Variants in MSI2 observed in about 807,000 individuals in gnomAD.
The protein encoded by MSI2 is RNA-binding protein Musashi homolog 2.
MSI2 carries 17 observed loss-of-function variants against 45.6 expected under a neutral mutation model. That is an observed-to-expected ratio of 0.37 (90% CI 0.26 to 0.56). The LOEUF is 0.56. MSI2 is among the 20% of genes least tolerant of loss of function. The pLI is 0.77. For synonymous variants in MSI2, 156 were observed against 158.2 expected (o/e 0.99, Z 0.11); for missense variants, 293 against 444.2 (o/e 0.66, Z 3.06).
chr17:57,429,183 C>G (rs2084548790), intron 6 of MSI2, among the ~76,000 whole-genome samples: 1 of 152,078 alleles, frequency 6.6e-6, no homozygotes, highest in Non-Finnish European at 1.5e-5. Context: ...TAGATGGCAC[C>G]TGGGCTATGC....
intron 2 of MSI2, 110 bp downstream of exon 2, chr17:57,257,248 C>T: frequency 3.9e-6 from 2 of 508,500 alleles, no homozygotes; most frequent in Non-Finnish European, 3.3e-6. Context: ...CTCCCCACTT[C>T]TCCTGTGCAA....
chr17:57,287,421 A>G (rs1598074479), intron 5 of MSI2, among the ~76,000 whole-genome samples: 2 of 152,204 alleles, frequency 1.3e-5, no homozygotes, highest in African/African-American at 4.8e-5. Context: ...GGGGGACAGA[A>G]TAGTGTGTGT....
intron 5 of MSI2, among the ~76,000 whole-genome samples, chr17:57,331,692 T>C (rs1298648322): frequency 6.6e-6 from 1 of 152,194 alleles, no homozygotes; most frequent in Admixed American, 6.5e-5. Flanking sequence ...GTAACCTTCC[T>C]TTGTGTTCAC....
chr17:57,469,330 T>C (rs1945841891), intron 6 of MSI2, among the ~76,000 whole-genome samples: 1 of 152,264 alleles, frequency 6.6e-6, no homozygotes, highest in Non-Finnish European at 1.5e-5. Context: ...ACTGCTTTAG[T>C]CCTTCAAATC....
intron 5 of MSI2, among the ~76,000 whole-genome samples, chr17:57,380,801 C>G (rs984203279): frequency 5.9e-5 from 9 of 152,326 alleles, no homozygotes; most frequent in African/African-American, 2.2e-4. Context: ...CTGACACCAC[C>G]AGGTGTGTAC....
chr17:57,263,682 TC>T, intron 5 of MSI2: 1 of 152,354 alleles, frequency 6.6e-6, no homozygotes, highest in East Asian at 1.9e-4. Context: ...CCCTTTGTTG[TC>T]CCCCTTCCTT....
In MSI2 at chr17:57,680,633, C is replaced by T. The variant is rs1003512449; in HGVS notation, c.*1116C>T. On this transcript the variant is annotated 3_prime_UTR_variant, in exon 14 of 14. Transcript: ENST00000284073. ...GTCTGTGCACAGCTTCAAATGTTAC[C>T]GTCTAGTTAGATTTTTATTTAAAAT... The T allele has an allele frequency of 2.3e-5, 5 of 220,314 alleles. No individual in the cohort carries two copies. Among genetic ancestry groups the T allele is most frequent in the African/African-American group, 4.5e-5 (2 of 44,550 alleles). The allele number at this position is 220,314 out of a possible 1,614,324, so 13.6% of individuals were successfully genotyped here. A position where few individuals can be genotyped will look rare whatever the true frequency, so the allele number is the denominator to read the frequency against.
chr17:57,277,393 G>A (rs556573205), intron 5 of MSI2, among the ~76,000 whole-genome samples: 3 of 152,172 alleles, frequency 2.0e-5, no homozygotes, highest in Non-Finnish European at 4.4e-5. Flanking sequence ...TGGGTCGTGA[G>A]GGAGTATGGC....
At chr17:57,341,294 G>A (rs953700750) in intron 5 of MSI2, among the ~76,000 whole-genome samples, 1 of 152,132 alleles carries the variant, frequency 6.6e-6, no homozygotes, top group Non-Finnish European at 1.5e-5. Context: ...TGCAGAAGGA[G>A]GTCTGAGAAG....
chr17:57,463,858 T>G (rs1170707750), intron 6 of MSI2, among the ~76,000 whole-genome samples: 2 of 152,176 alleles, frequency 1.3e-5, no homozygotes, highest in Non-Finnish European at 2.9e-5. Context: ...CCCTCTTCTT[T>G]GTCATTTGTT....
intron 6 of MSI2, among the ~76,000 whole-genome samples, chr17:57,475,788 TG>T (rs1195944378): frequency 6.9e-6 from 1 of 144,524 alleles, no homozygotes; most frequent in Non-Finnish European, 1.5e-5. Flanking sequence ...TGTGTATGTG[TG>T]GATGCATGCT....
Position 57,322,587 on chromosome 17 carries a change from G to A in MSI2, c.312+60395G>A, listed in dbSNP as rs138595524. ...AGGAAGCATAAATCAACCCTTAATC[G>A]AACATAAACAACAAACCACGTACCA... is the stretch of plus-strand genomic sequence containing the variant. On this transcript the variant is annotated intron_variant, in intron 5 of 13. Transcript: ENST00000284073. Among the ~76,000 whole-genome samples the A allele has an allele frequency of 4.6e-4, 70 of 152,172 alleles. 2 individuals carry two copies. The East Asian group carries it at 9.5e-3, about 21-fold the overall frequency.
chr17:57,328,793 G>A (rs1250503682), intron 5 of MSI2, among the ~76,000 whole-genome samples: 1 of 151,552 alleles, frequency 6.6e-6, no homozygotes, highest in Non-Finnish European at 1.5e-5. Context: ...TCCTCTATAT[G>A]GAATAGGTGG....
intron 8 of MSI2, among the ~76,000 whole-genome samples, chr17:57,602,264 G>T (rs1299123257): frequency 6.6e-6 from 1 of 151,446 alleles, no homozygotes; most frequent in Non-Finnish European, 1.5e-5. Flanking sequence ...TGTATTTTAT[G>T]TGCGGCTGAA....
intron 6 of MSI2, among the ~76,000 whole-genome samples, chr17:57,458,088 C>CAT (rs1009968760): frequency 8.8e-5 from 13 of 148,514 alleles, no homozygotes; most frequent in East Asian, 2.0e-4. Context: ...ATTAGCCTGA[C>CAT]ATATATATAC....
the MSI2 span, among the ~76,000 whole-genome samples, chr17:57,694,730 A>G: frequency 1.3e-5 from 2 of 152,188 alleles, no homozygotes; most frequent in Non-Finnish European, 2.9e-5. Context: ...TCAGTACACA[A>G]CATGGCCTTA....
chr17:57,567,907 A>G (rs948535840), intron 7 of MSI2, among the ~76,000 whole-genome samples: 5 of 152,194 alleles, frequency 3.3e-5, no homozygotes, highest in African/African-American at 1.2e-4. Context: ...TACAATAAAT[A>G]CCTTTACTGA....
rs184255927 is a variant in MSI2 at position 57,428,514 on chromosome 17, C to T, written c.405+27043C>T. ...CAAACTCCTGGGCACAAGTGATGCC[C>T]CCACCTCAGCCTCCTAAGAACCCAG... On this transcript the variant is annotated intron_variant, in intron 6 of 13. Coordinates refer to ENST00000284073, the MANE Select transcript of MSI2 (RefSeq NM_138962.4). Among the ~76,000 whole-genome samples, 3 of 152,328 alleles carry T rather than the reference C, an allele frequency of 2.0e-5. No homozygotes were observed. The East Asian group carries it at 5.8e-4, about 29-fold the overall frequency.
At chr17:57,508,859 C>T (rs890716502) in intron 6 of MSI2, among the ~76,000 whole-genome samples, 7 of 152,208 alleles carry the variant, frequency 4.6e-5, no homozygotes, top group Admixed American at 2.0e-4. Flanking sequence ...TGTTCTTGCA[C>T]GTGTTCATGC....
Sources: gnomAD v4.1 joint callset for allele counts (sites outside exome capture counted in the v4.1 genomes callset) on GRCh38, gnomAD v4.1.1 for gene constraint, MANE v1.5 for transcripts, NCBI Gene and HGNC (gene_info 2026-07-23, HGNC 2026-07-21) for gene names.